The following C2 variants were observed in gnomAD, a reference collection of about 807,000 sequenced individuals.
The protein encoded by C2 is complement C2, also known as C3/C5 convertase.
Under a neutral mutation model 85.2 loss-of-function variants are expected in C2, and 64 were observed. The observed-to-expected ratio is 0.75, with a 90% CI of 0.61 to 0.92. The LOEUF (loss-of-function observed/expected upper bound fraction) is 0.92, where lower values mean the gene tolerates loss of function less well. Ranked by LOEUF, C2 falls within the 40% of genes least tolerant of loss-of-function variation. C2 has a pLI of 0.00. For missense variants in C2, 820 were observed against 971.6 expected, an observed-to-expected ratio of 0.84 and a Z score of 2.07; for synonymous variants, 311 against 370.8, an observed-to-expected ratio of 0.84 and a Z score of 1.85.
chr6:31,931,546 T>C (rs567033252), intron 3 of C2, among the ~76,000 whole-genome samples: 4 of 151,864 alleles, frequency 2.6e-5, no homozygotes, highest in African/African-American at 4.8e-5. Flanking sequence ...CCTGAGTGGA[T>C]ACAGCACATG....
chr6:31,928,454 A>T (rs571764613), intron 2 of C2, among the ~76,000 whole-genome samples: 1 of 152,134 alleles, frequency 6.6e-6, no homozygotes, highest in African/African-American at 2.4e-5. Context: ...TCCTCTAGAC[A>T]TCTGAGGATC....
chr6:31,901,624 T>C (rs1767283980), intron 1 of C2, among the ~76,000 whole-genome samples: 1 of 151,032 alleles, frequency 6.6e-6, no homozygotes, highest in Non-Finnish European at 1.5e-5. Flanking sequence ...GGCCTGGGGC[T>C]CTGGACTCCA....
Position 31,901,126 on chromosome 6 carries a change from G to A in C2, c.60G>A (p.Trp20Ter). 1 of 1,614,012 alleles carries A rather than the reference G, an allele frequency of 6.2e-7. No individual in the cohort carries two copies. The highest frequency in any genetic ancestry group is 8.5e-7 in the Non-Finnish European group (1 of 1,180,040). Residue 20 changes from tryptophan (W) to a stop codon, truncating the protein, a stop_gained, in exon 1 of 4, where the codon TGG (tryptophan) becomes TGA (stop). Coordinates refer to the C2 transcript ENST00000452202. LOFTEE classifies it high-confidence loss of function. ...CCGAGCTGGGGTTCAGCAGGAACTGGTCCCGCAGGAAGGGTGAGCAGGCGG... is the reference window on the plus strand; with the variant it reads ...CCGAGCTGGGGTTCAGCAGGAACTGATCCCGCAGGAAGGGTGAGCAGGCGG...
chr6:31,898,717 C>T (rs1338011205), upstream of C2, among the ~76,000 whole-genome samples: 4 of 151,146 alleles, frequency 2.6e-5, no homozygotes, highest in Non-Finnish European at 5.9e-5. Context: ...AAACAGACTC[C>T]TGCTTACAAT....
At chr6:31,934,773 G>T in intron 6 of C2, 1 of 782,806 alleles carries the variant, frequency 1.3e-6, no homozygotes, top group Non-Finnish European at 1.6e-6. Flanking sequence ...ACTTTGGGAG[G>T]CCGAGGCAGG....
intron 3 of C2, among the ~76,000 whole-genome samples, chr6:31,932,166 G>T (rs9267707): frequency 7.0e-6 from 1 of 142,062 alleles, no homozygotes; most frequent in Non-Finnish European, 1.5e-5. Context: ...CGGGCAGAGT[G>T]GCTCCTCACT....
Position 31,943,664 on chromosome 6 carries a change from G to C in C2, c.1588G>C (p.Gly530Arg). 6.2e-7 allele frequency: 1 copy of C among 1,613,052 alleles called. No homozygotes were observed. The highest frequency in any genetic ancestry group is 8.5e-7 in the Non-Finnish European group (1 of 1,180,026). The change falls in exon 13 of 18, where the codon GGC (glycine) becomes CGC (arginine). Residue 530 changes from glycine to arginine, a missense_variant. Coordinates refer to ENST00000299367, the MANE Select transcript of C2 (RefSeq NM_000063.6). The surrounding 1 kb of genome is among the most constrained non-coding windows in gnomAD (Gnocchi z 6.4). ...TCCAGGAGACCCCAAATCCCAGTGG[G>C]GCAAAGAATTCCTTATTGAGAAGGC... The part of the protein sequence containing the change: ...VNVGDPKSQW[G>R]KEFLIEKAVI...
Position 31,935,464 on chromosome 6 carries a change from TA to T in C2, c.850-458del, listed in dbSNP as rs1477771480. The T allele has an allele frequency of 3.8e-5, 5 of 131,602 alleles. No individual in the cohort carries two copies. The East Asian group carries it at 7.7e-4, about 20-fold the overall frequency. The allele number at this position is 131,602 out of a possible 1,614,324, so 8.2% of individuals were successfully genotyped here. On this transcript the variant is annotated intron_variant, in intron 6 of 17. Coordinates refer to ENST00000299367, the MANE Select transcript of C2 (RefSeq NM_000063.6). The surrounding 1 kb of genome is among the most constrained non-coding windows in gnomAD (Gnocchi z 4.3). ...CTTAGCTGCTGCTGTTCCTTATTTTTATTATTATTATTATTATTATTATTTT... is the reference window on the plus strand; with the variant it reads ...CTTAGCTGCTGCTGTTCCTTATTTTTTTATTATTATTATTATTATTATTTT...
Position 31,931,943 on chromosome 6 carries a change from T to C in C2, c.443-1667T>C, listed in dbSNP as rs1357885081. ...CGGCGCGGCTGGCCGGGCGGGGGGC[T>C]GATCCCCCCACCTCCCTCCCGGACG... is the stretch of plus-strand genomic sequence containing the variant. On this transcript the variant is annotated intron_variant, in intron 3 of 17. Coordinates refer to ENST00000299367, the MANE Select transcript of C2 (RefSeq NM_000063.6). 3.7e-5 allele frequency among the ~76,000 whole-genome samples: 3 copies of C among 81,772 alleles called. No individual in the cohort carries two copies. The East Asian group carries it at 1.8e-3, about 50-fold the overall frequency. 53.6% of individuals were successfully genotyped at this position (81,772 alleles called of 152,430 possible). A position where few individuals can be genotyped will look rare whatever the true frequency, so the allele number is the denominator to read the frequency against.
chr6:31,926,072 T>C (rs1055466599), upstream of C2, among the ~76,000 whole-genome samples: 4 of 152,264 alleles, frequency 2.6e-5, no homozygotes, highest in Middle Eastern at 3.4e-3. Context: ...ATGACATACA[T>C]AAGTTCTACT....
intron 8 of C2, 93 bp downstream of exon 8, chr6:31,937,552 C>A: frequency 6.7e-7 from 1 of 1,483,370 alleles, no homozygotes; most frequent in Non-Finnish European, 9.4e-7. Flanking sequence ...CCTCTGCCTG[C>A]CACTTTGGGC....
At chr6:31,939,195 A>G (rs1187481169) in intron 8 of C2, 36 bp from the exon 9 acceptor site, 9 of 1,453,400 alleles carry the variant, frequency 6.2e-6, no homozygotes, top group Non-Finnish European at 8.7e-6. Context: ...AAATCCTGAT[A>G]TTACCTAGAA....
upstream of C2, among the ~76,000 whole-genome samples, chr6:31,926,897 C>T (rs932465790): frequency 3.3e-5 from 5 of 152,170 alleles, no homozygotes; most frequent in Non-Finnish European, 7.3e-5. Context: ...GGGAGACTAA[C>T]ACACTAGCTT....
chr6:31,908,777 A>G (rs931099292), intron 1 of C2, among the ~76,000 whole-genome samples: 7 of 152,040 alleles, frequency 4.6e-5, no homozygotes, highest in Admixed American at 1.3e-4. Context: ...GTTACAACTC[A>G]CTAAAGACTC....
intron 1 of C2, among the ~76,000 whole-genome samples, chr6:31,914,910 CACA>C (rs545113057): frequency 1.3e-4 from 19 of 151,720 alleles, no homozygotes; most frequent in Non-Finnish European, 1.9e-4. Flanking sequence ...AAGACTCCAT[CACA>C]ACAACAACAA....
Position 31,945,408 on chromosome 6 carries a change from TC to T in C2, c.*52del, listed in dbSNP as rs768010079. 1.3e-6 allele frequency: 2 copies of T among 1,542,828 alleles called. No individual in the cohort carries two copies. The highest frequency in any genetic ancestry group is 2.7e-5 in the African/African-American group (2 of 73,498). Reference sequence around the variant, plus strand: ...CCTGCCAGAATCTGCCGCCCCTCCATCTTCTACCTCTGAATGGCCACCCTTA... The same window carrying T: ...CCTGCCAGAATCTGCCGCCCCTCCATTTCTACCTCTGAATGGCCACCCTTA... On this transcript the variant is annotated 3_prime_UTR_variant, in exon 18 of 18. Transcript: ENST00000299367. The surrounding 1 kb of genome is among the most constrained non-coding windows in gnomAD (Gnocchi z 5.3).
In C2 at chr6:31,909,889, G is replaced by GT. The variant is rs1301868992; in HGVS notation, c.73+8759dup. Among the ~76,000 whole-genome samples the GT allele has an allele frequency of 1.9e-4, 29 of 148,816 alleles. 1 individual carries two copies. The highest frequency in any genetic ancestry group is 2.7e-4 in the Admixed American group (4 of 14,976). On this transcript the variant is annotated intron_variant, in intron 1 of 3. Transcript: ENST00000452202. ...TATTTTCTGTTTTTTTTTGTTTTTT[G>GT]TTTTTTTTTGAGACAGCGTCTCACT...
At chr6:31,899,238 C>CAAAAGAAAGA (rs1365273260), upstream of C2, among the ~76,000 whole-genome samples, 2 of 151,392 alleles carry the variant, frequency 1.3e-5, no homozygotes, top group African/African-American at 4.9e-5. Context: ...TCTTTCTTTT[C>CAAAAGAAAGA]TAAGTGCCCT....
chr6:31,930,319 G>T (rs111565116), intron 3 of C2, among the ~76,000 whole-genome samples: 2,048 of 152,168 alleles, frequency 0.013, 31 homozygotes, highest in Middle Eastern at 0.044. Flanking sequence ...GACCTCAGGG[G>T]ATTCTGCCCA....
Sources: gnomAD v4.1 joint callset for allele counts (sites outside exome capture counted in the v4.1 genomes callset) on GRCh38, gnomAD v4.1.1 for gene constraint, Gnocchi (gnomAD v3.1) non-coding constraint, MANE v1.5 for transcripts, NCBI Gene and HGNC (gene_info 2026-07-23, HGNC 2026-07-21) for gene names.